Variants in RYR2 observed in about 807,000 individuals in gnomAD.
RYR2 encodes cardiac muscle ryanodine receptor-calcium release channel.
A neutral mutation model predicts 601.1 loss-of-function variants in RYR2; 227 were observed. That is an observed-to-expected ratio of 0.38 (90% CI 0.34 to 0.42). The LOEUF is 0.42. Among genes scored for constraint, RYR2 ranks in the 10% least tolerant of loss-of-function variants. RYR2 has a pLI of 1.00. For missense variants in RYR2, 4,646 were observed against 6,156.5 expected, an observed-to-expected ratio of 0.75 and a Z score of 8.21; for synonymous variants, 2,223 against 2,175.1, an observed-to-expected ratio of 1.02 and a Z score of -0.61.
chr1:237,504,399 C>T (rs1248853399), intron 22 of RYR2, among the ~76,000 whole-genome samples: 2 of 152,098 alleles, frequency 1.3e-5, no homozygotes, highest in African/African-American at 2.4e-5. Flanking sequence ...TTACAAAGAA[C>T]CTTCTTAAGG....
In RYR2 at chr1:237,589,811, G is replaced by A; in HGVS notation, c.3617G>A (p.Ser1206Asn). ...TTCCCAGGATTCATACCTGTGTGTA[G>A]CCTTGGAGTGGCTCAAGTGGGTAGG... ...DVGDGFIPVC[S>N]LGVAQVGRMN... The change falls in exon 30 of 105, where the codon AGC becomes AAC. Residue 1206 changes from serine (S) to asparagine (N), a missense_variant. By Grantham distance (46) the Ser-to-Asn change is conservative (BLOSUM62 1). This residue lies in a region of RYR2 where 1,807 missense variants were observed against 2,088.1 expected (regional missense o/e 0.87). Transcript: ENST00000366574. 6.2e-7 allele frequency: 1 copy of A among 1,613,766 alleles called. No homozygotes were observed. Among genetic ancestry groups the A allele is most frequent in the Non-Finnish European group, 8.5e-7 (1 of 1,179,852 alleles).
chr1:237,756,350 G>T lies in RYR2; in HGVS notation c.11208G>T (p.Ala3736=). The T allele has an allele frequency of 6.2e-7, 1 of 1,613,418 alleles. No homozygotes were observed. The highest frequency in any genetic ancestry group is 1.1e-5 in the South Asian group (1 of 91,042). The change falls in exon 81 of 105, where the codon GCG becomes GCT. Residue 3736 remains alanine (A), a synonymous_variant. Transcript: ENST00000366574. ...YQQARLHDRG[A]AEMVLQTISA... is the part of the protein sequence containing the mutation. ...AAGCCCGACTCCACGATCGTGGCGC[G>T]GCTGAGATGGTGCTACAGACAATCA...
At chr1:237,520,126 G>T (rs1666951117) in intron 24 of RYR2, among the ~76,000 whole-genome samples, 1 of 152,154 alleles carries the variant, frequency 6.6e-6, no homozygotes, top group East Asian at 1.9e-4. Flanking sequence ...CTGGTCTATA[G>T]ATATGCTACC....
chr1:237,687,352 T>TC, intron 62 of RYR2, 103 bp from the exon 63 acceptor site: 1 of 684,670 alleles, frequency 1.5e-6, no homozygotes, highest in Non-Finnish European at 2.4e-6. Context: ...TGTTTTTTTT[T>TC]CTTTTTTCTT....
rs142804439 is a variant in RYR2, at chr1:237,404,968, A to G, written c.774-12081A>G. Among the ~76,000 whole-genome samples, 1,032 of 152,298 alleles carry G rather than the reference A, an allele frequency of 6.8e-3. 6 individuals are homozygous for G. The highest frequency in any genetic ancestry group is 0.041 in the Middle Eastern group (12 of 294). The stretch of plus-strand genomic sequence containing the variant: ...CTGGGAACCACTGGTGAGCTCCTAT[A>G]AGGGCCTGAGCTCCAGGTGGGAACC... On this transcript the variant is annotated intron_variant, in intron 10 of 104. Coordinates refer to ENST00000366574, the MANE Select transcript of RYR2 (RefSeq NM_001035.3).
intron 94 of RYR2, 35 bp downstream of exon 94, chr1:237,792,358 T>TGTGTGTGTGTGTGC (rs1558425085): frequency 1.4e-6 from 1 of 708,196 alleles, no homozygotes; most frequent in South Asian, 2.2e-5. Flanking sequence ...CCTGTGTGTG[T>TGTGTGTGTGTGTGC]GTGTGTGTGT....
chr1:237,283,791 T>C (rs1691151188), intron 2 of RYR2, among the ~76,000 whole-genome samples: 1 of 152,254 alleles, frequency 6.6e-6, no homozygotes, highest in Non-Finnish European at 1.5e-5. Flanking sequence ...ATATTTAATT[T>C]ACTACTTGGT....
At chr1:237,573,283 C>A (rs183594558) in intron 29 of RYR2, among the ~76,000 whole-genome samples, 3 of 151,574 alleles carry the variant, frequency 2.0e-5, no homozygotes, top group African/African-American at 7.3e-5. Flanking sequence ...TGTGTGTATG[C>A]GCACACATAC....
intron 2 of RYR2, among the ~76,000 whole-genome samples, chr1:237,328,796 G>C (rs1176887977): frequency 1.3e-5 from 2 of 152,118 alleles, no homozygotes; most frequent in African/African-American, 2.4e-5. Context: ...TCATTCCAAT[G>C]GTAGAGGTTC....
intron 1 of RYR2, among the ~76,000 whole-genome samples, chr1:237,206,342 A>G (rs1681817875): frequency 6.6e-6 from 1 of 152,216 alleles, no homozygotes. Flanking sequence ...GCTCCCTCGA[A>G]AACACTTTTA....
rs574177314 is a variant in RYR2, at chr1:237,661,369, A to T, written c.8436+422A>T. 2.6e-4 allele frequency among the ~76,000 whole-genome samples: 39 copies of T among 152,248 alleles called. 1 individual carries two copies. In the South Asian group the frequency reaches 7.3e-3, roughly 28 times the overall value. ...CAGGGAGTGGGGGGCTAGGGGAGGG[A>T]TAGCATTAAGAGAAATACCTAATGT... On this transcript the variant is annotated intron_variant, in intron 56 of 104. Transcript: ENST00000366574.
intron 100 of RYR2, among the ~76,000 whole-genome samples, chr1:237,812,844 C>G (rs775173802): frequency 6.6e-6 from 1 of 152,042 alleles, no homozygotes; most frequent in Non-Finnish European, 1.5e-5. Flanking sequence ...CATCTCCTAT[C>G]CTTCCTTTTG....
intron 1 of RYR2, among the ~76,000 whole-genome samples, chr1:237,142,307 A>T (rs900589057): frequency 3.9e-5 from 6 of 152,262 alleles, no homozygotes; most frequent in Non-Finnish European, 5.9e-5. Flanking sequence ...AGAGTCTGTT[A>T]TTCATGGACA....
chr1:237,390,397 CT>C (rs1702280921), intron 10 of RYR2, among the ~76,000 whole-genome samples: 2 of 152,158 alleles, frequency 1.3e-5, no homozygotes, highest in African/African-American at 4.8e-5. Context: ...ATGGTTTCCC[CT>C]CTTTGTAAAA....
At chr1:237,822,205 C>A (rs1311359941) in intron 101 of RYR2, among the ~76,000 whole-genome samples, 1 of 152,084 alleles carries the variant, frequency 6.6e-6, no homozygotes, top group Non-Finnish European at 1.5e-5. Flanking sequence ...AGAAGAGCAA[C>A]CCCAAGACAC....
chr1:237,287,057 CTG>C (rs1194693569), intron 2 of RYR2, among the ~76,000 whole-genome samples: 1 of 152,106 alleles, frequency 6.6e-6, no homozygotes, highest in African/African-American at 2.4e-5. Flanking sequence ...CTGAAAAAGA[CTG>C]TATCTTTCCT....
chr1:237,754,675 G>A (rs1692798620), intron 80 of RYR2, among the ~76,000 whole-genome samples: 1 of 152,212 alleles, frequency 6.6e-6, no homozygotes, highest in Admixed American at 6.5e-5. Flanking sequence ...TCCACATGGA[G>A]CTCTGGCAAT....
chr1:237,637,261 G>A (rs1294447828), intron 44 of RYR2, among the ~76,000 whole-genome samples: 1 of 152,120 alleles, frequency 6.6e-6, no homozygotes, highest in Non-Finnish European at 1.5e-5. Context: ...AACTTAAGCT[G>A]GATATAACTC....
chr1:237,825,603 T>C (rs919965331), intron 101 of RYR2, among the ~76,000 whole-genome samples: 5 of 152,174 alleles, frequency 3.3e-5, no homozygotes, highest in Admixed American at 3.3e-4. Context: ...GACATAGGCA[T>C]GGGCAAAGAC....
Sources: allele counts gnomAD v4.1 joint callset (sites outside exome capture counted in the v4.1 genomes callset), GRCh38; gene constraint gnomAD v4.1.1; regional missense constraint gnomAD v4.1.1; transcripts MANE v1.5; gene names NCBI Gene and HGNC (gene_info 2026-07-23, HGNC 2026-07-21).